The following SLC7A2 variants were observed in gnomAD, a reference collection of about 807,000 sequenced individuals.
The protein encoded by SLC7A2 is solute carrier family 7 member 2.
A neutral mutation model predicts 58.9 loss-of-function variants in SLC7A2; 48 were observed. That is an observed-to-expected ratio of 0.82 (90% confidence interval 0.65 to 1.04). The LOEUF (loss-of-function observed/expected upper bound fraction) is 1.04, where lower values mean the gene tolerates loss of function less well. Ranked by LOEUF, SLC7A2 falls within the 50% of genes least tolerant of loss-of-function variation. The pLI is 0.00. For missense variants in SLC7A2, 1,029 were observed against 818.8 expected (o/e 1.26, Z -3.13); for synonymous variants, 363 against 314.5 (o/e 1.15, Z -1.63).
chr8:17,521,549 T>G (rs1338408778), intron 2 of SLC7A2, among the ~76,000 whole-genome samples: 1 of 152,220 alleles, frequency 6.6e-6, no homozygotes, highest in Non-Finnish European at 1.5e-5. Context: ...GCTTCTGGAA[T>G]TCCATCCTGG....
chr8:17,514,576 C>T (rs1800727737), intron 2 of SLC7A2, among the ~76,000 whole-genome samples: 2 of 152,138 alleles, frequency 1.3e-5, no homozygotes, highest in Non-Finnish European at 1.5e-5. Flanking sequence ...GTTCAGGTTT[C>T]CCTTTTATAG....
chr8:17,505,479 A>G (rs573537937), intron 2 of SLC7A2, among the ~76,000 whole-genome samples: 60 of 152,206 alleles, frequency 3.9e-4, no homozygotes, highest in African/African-American at 1.2e-3. Flanking sequence ...ACCCTTCTCA[A>G]CTAGTGCCAT....
At chr8:17,548,951 G>A in intron 5 of SLC7A2, 108 bp downstream of exon 5, 10 of 911,034 alleles carry the variant, frequency 1.1e-5, no homozygotes, top group Non-Finnish European at 1.7e-5. Flanking sequence ...CCATGACTGG[G>A]TAATTTATAA....
At chr8:17,494,587 G>T (rs1329407955), upstream of SLC7A2, among the ~76,000 whole-genome samples, 3 of 152,132 alleles carry the variant, frequency 2.0e-5, no homozygotes, top group African/African-American at 7.2e-5. Flanking sequence ...AGTCAAAAGA[G>T]CTTAACCTGT....
chr8:17,566,603 C>G lies in SLC7A2; in HGVS notation c.*1457C>G, dbSNP rs1027065909. The G allele has an allele frequency of 2.0e-5, 3 of 152,114 alleles. No homozygotes were observed. The highest frequency in any genetic ancestry group is 7.2e-5 in the African/African-American group (3 of 41,414). The allele number at this position is 152,114 out of a possible 1,614,324, so 9.4% of individuals were successfully genotyped here. On this transcript the variant is annotated 3_prime_UTR_variant, in exon 13 of 13. Transcript: ENST00000494857. Reference sequence around the variant, plus strand: ...GTTTAAAAAACATGATTATTTAAAACTGGAAACTAAAAAGAATCAAATTGA... The same window carrying G: ...GTTTAAAAAACATGATTATTTAAAAGTGGAAACTAAAAAGAATCAAATTGA...
intron 2 of SLC7A2, among the ~76,000 whole-genome samples, chr8:17,524,100 A>C (rs976913812): frequency 3.3e-5 from 5 of 152,182 alleles, no homozygotes; most frequent in African/African-American, 9.7e-5. Context: ...GAAATCAAAA[A>C]AGAATAGATG....
Position 17,562,014 on chromosome 8 carries a change from G to T in SLC7A2, c.1575G>T (p.Trp525Cys), listed in dbSNP as rs756224519. Residue 525 changes from tryptophan (W) to cysteine (C), a missense_variant, in exon 11 of 13, where the codon TGG becomes TGT. Transcript: ENST00000494857. ...ATGCCATCACCAGGCTGGAGGCCTGGAGCCTCGCTCTCCTCGCGCTGTTTC... is the reference window on the plus strand; with the variant it reads ...ATGCCATCACCAGGCTGGAGGCCTGTAGCCTCGCTCTCCTCGCGCTGTTTC... ...GVHAITRLEAWSLALLALFLV... is the reference protein window; with the variant it reads ...GVHAITRLEACSLALLALFLV... The T allele has an allele frequency of 1.2e-6, 2 of 1,613,978 alleles. No homozygotes were observed. Among genetic ancestry groups the T allele is most frequent in the Non-Finnish European group, 1.7e-6 (2 of 1,179,944 alleles).
chr8:17,567,657 A>G lies in SLC7A2; in HGVS notation c.*2511A>G, dbSNP rs1803326495. The G allele has an allele frequency of 6.6e-6, 1 of 152,634 alleles. No homozygotes were observed. Among genetic ancestry groups the G allele is most frequent in the Non-Finnish European group, 1.5e-5 (1 of 68,048 alleles). 9.5% of individuals were successfully genotyped at this position (152,634 alleles called of 1,614,324 possible). A position where few individuals can be genotyped will look rare whatever the true frequency, so the allele number is the denominator to read the frequency against. ...TTGACTATGTCATTAGGTGGGTACA[A>G]AACCCAACTGATGTGGAGAAAAATT... On this transcript the variant is annotated 3_prime_UTR_variant, in exon 13 of 13. Coordinates refer to ENST00000494857, the MANE Select transcript of SLC7A2 (RefSeq NM_001370338.1).
chr8:17,552,863 C>G (rs1802516480), intron 7 of SLC7A2, among the ~76,000 whole-genome samples: 1 of 152,140 alleles, frequency 6.6e-6, no homozygotes, highest in African/African-American at 2.4e-5. Context: ...GAAAATTAAT[C>G]TTTTTGGCAG....
Position 17,550,355 on chromosome 8 carries a change from T to A in SLC7A2, c.753T>A (p.Pro251=), listed in dbSNP as rs757392968. The A allele has an allele frequency of 3.1e-6, 5 of 1,614,142 alleles. No individual in the cohort carries two copies. Among genetic ancestry groups the A allele is most frequent in the Non-Finnish European group, 4.2e-6 (5 of 1,179,974 alleles). ...TCTATGGGGCTGGTGGCTTTATGCC[T>A]TATGGCTTTACGGGAACGTTGGCTG... ...TSIYGAGGFM[P]YGFTGTLAGA... is the part of the protein sequence containing the mutation. The change falls in exon 6 of 13, where the codon CCT becomes CCA. Residue 251 remains proline (P), a synonymous_variant. Transcript: ENST00000494857.
chr8:17,523,729 A>G (rs1378334753), intron 2 of SLC7A2, among the ~76,000 whole-genome samples: 3 of 152,222 alleles, frequency 2.0e-5, no homozygotes, highest in African/African-American at 7.2e-5. Flanking sequence ...CAAGAACCCA[A>G]AAGCAAATGC....
chr8:17,548,343 A>T (rs1015383362), intron 4 of SLC7A2, among the ~76,000 whole-genome samples: 3 of 152,214 alleles, frequency 2.0e-5, no homozygotes, highest in Admixed American at 6.5e-5. Flanking sequence ...TCTGTCTCAA[A>T]AAAAGAAAAA....
chr8:17,496,788 G>T (rs1042745587), upstream of SLC7A2, among the ~76,000 whole-genome samples: 1 of 152,166 alleles, frequency 6.6e-6, no homozygotes, highest in South Asian at 2.1e-4. Context: ...AAATGCCCTT[G>T]AGGTTTGGTC....
chr8:17,527,670 C>T (rs532383441), intron 2 of SLC7A2, among the ~76,000 whole-genome samples: 117 of 152,238 alleles, frequency 7.7e-4, no homozygotes, highest in Admixed American at 2.1e-3. Context: ...CTCACAGCTG[C>T]GTCACTGTAA....
At chr8:17,504,301 G>T (rs1044669546) in intron 2 of SLC7A2, among the ~76,000 whole-genome samples, 2 of 152,166 alleles carry the variant, frequency 1.3e-5, no homozygotes, top group African/African-American at 4.8e-5. Context: ...ATGAGATCTT[G>T]TGGCTCTCCT....
chr8:17,556,132 T>C (rs1393512669), intron 8 of SLC7A2, among the ~76,000 whole-genome samples: 1 of 152,172 alleles, frequency 6.6e-6, no homozygotes, highest in East Asian at 1.9e-4. Flanking sequence ...AGTCACTTAT[T>C]TTCTCAGGCT....
In SLC7A2 at chr8:17,551,875, C is replaced by T. The variant is rs776927755; in HGVS notation, c.944C>T (p.Pro315Leu). The change falls in exon 7 of 13, where the codon CCG becomes CTG. Residue 315 changes from proline (P) to leucine (L), a missense_variant. By Grantham distance (98) the Pro-to-Leu change is moderately conservative. Coordinates refer to ENST00000494857, the MANE Select transcript of SLC7A2 (RefSeq NM_001370338.1). ...GVSAALTLMM[P>L]YYLLDEKSPL... ...TCTGCAGCTTTAACACTTATGATGC[C>T]GTACTACCTCCTCGATGAAAAAAGC... The T allele has an allele frequency of 6.8e-6, 11 of 1,613,618 alleles. No homozygotes were observed. The highest frequency in any genetic ancestry group is 1.7e-5 in the Admixed American group (1 of 59,952).
intron 10 of SLC7A2, 31 bp from the exon 11 acceptor site, chr8:17,561,913 C>T: frequency 6.2e-7 from 1 of 1,608,562 alleles, no homozygotes; most frequent in South Asian, 1.1e-5. Flanking sequence ...GCACAGTGTG[C>T]TGACTCTGTT....
chr8:17,540,498 C>T lies in SLC7A2; in HGVS notation c.-22-2820C>T, dbSNP rs199536975. Among the ~76,000 whole-genome samples the T allele has an allele frequency of 1.2e-4, 19 of 152,004 alleles. No individual in the cohort carries two copies. The East Asian group carries it at 2.9e-3, about 23-fold the overall frequency. ...TAATTTGCCTACACAGACCTCCCCC[C>T]AACCCCTCCAAAAAAGAAAAAAAAA... On this transcript the variant is annotated intron_variant, in intron 2 of 12. Coordinates refer to ENST00000494857, the MANE Select transcript of SLC7A2 (RefSeq NM_001370338.1).
Sources: gnomAD v4.1 joint callset for allele counts (sites outside exome capture counted in the v4.1 genomes callset) on GRCh38, gnomAD v4.1.1 for gene constraint, MANE v1.5 for transcripts, NCBI Gene and HGNC (gene_info 2026-07-23, HGNC 2026-07-21) for gene names.